SYMPK: variants seen among roughly 807,000 people sequenced by gnomAD.
SYMPK encodes symplekin scaffold protein.
A neutral mutation model predicts 136.4 loss-of-function variants in SYMPK; 49 were observed. That is an observed-to-expected ratio of 0.36 (90% CI 0.29 to 0.46). SYMPK has a LOEUF of 0.46. Ranked by LOEUF, SYMPK falls within the 20% of genes least tolerant of loss-of-function variation. SYMPK has a pLI of 1.00. For synonymous variants in SYMPK, 766 were observed against 713.0 expected (o/e 1.07, Z -1.19); for missense variants, 1,365 against 1,690.0 (o/e 0.81, Z 3.37).
rs574555948 is a variant in SYMPK, at chr19:45,847,725, G to A, written c.676+27C>T. 27 of 1,596,058 alleles carry A rather than the reference G, an allele frequency of 1.7e-5. No individual in the cohort carries two copies. The South Asian group carries it at 2.8e-4, about 16-fold the overall frequency. On this transcript the variant is annotated intron_variant, in intron 7 of 26. Transcript: ENST00000245934. The stretch of plus-strand genomic sequence containing the variant: ...AGAGGAAACTGGTGCAGGGCTGTCA[G>A]GGGTGGCAGCTGAAGGCAGTACTCA...
chr19:45,835,347 C>G (rs752497559), intron 10 of SYMPK, 119 bp from the exon 11 acceptor site: 1 of 956,548 alleles, frequency 1.0e-6, no homozygotes, highest in Non-Finnish European at 1.5e-6. Context: ...GCCTGCTCTC[C>G]TGGGGCCCAG....
chr19:45,816,938 T>G lies in SYMPK; in HGVS notation c.3118A>C (p.Lys1040Gln). 6.4e-7 allele frequency: 1 copy of G among 1,561,372 alleles called. No individual in the cohort carries two copies. Among genetic ancestry groups the G allele is most frequent in the Non-Finnish European group, 8.7e-7 (1 of 1,152,726 alleles). The change falls in exon 24 of 27, where the codon AAG becomes CAG. Residue 1040 changes from lysine to glutamine, a missense_variant. Physicochemically the swap from Lys to Gln is moderately conservative, Grantham distance 53. Transcript: ENST00000245934. ...TGGGGCTTTGTGCGCTGGCAGCACT[T>G]GATGAAGCCCTCCCACACCTTGGGG... The part of the protein sequence containing the change: ...KYPKVWEGFI[K>Q]CCQRTKPQSF...
intron 2 of SYMPK, 55 bp downstream of exon 2, chr19:45,854,336 T>C: frequency 1.2e-6 from 2 of 1,607,866 alleles, no homozygotes; most frequent in Admixed American, 3.3e-5. Flanking sequence ...TAAACAGGGA[T>C]TGCCAAAGCC....
Position 45,816,194 on chromosome 19 carries a change from G to T in SYMPK, c.3355-11C>A. ...GGGCTCCAGATCATCCTGGGGATAGGGAGGGCCACACAGAAGCTCAGAGGT... is the reference window on the plus strand; with the variant it reads ...GGGCTCCAGATCATCCTGGGGATAGTGAGGGCCACACAGAAGCTCAGAGGT... On this transcript the variant is annotated splice_polypyrimidine_tract_variant and intron_variant, in intron 25 of 26. Transcript: ENST00000245934. 6.6e-7 allele frequency: 1 copy of T among 1,505,202 alleles called. No homozygotes were observed. The allele number at this position is 1,505,202 out of a possible 1,614,324, so 93.2% of individuals were successfully genotyped here.
chr19:45,863,118 C>G lies in SYMPK; in HGVS notation c.-73G>C. The stretch of plus-strand genomic sequence containing the variant: ...AGCAGTGCCTCTTCCTACACTCCGC[C>G]GCCGCCGCCGCCGCCATCTTCCGTT... On this transcript the variant is annotated 5_prime_UTR_variant, in exon 1 of 27. Coordinates refer to ENST00000245934, the MANE Select transcript of SYMPK (RefSeq NM_004819.3). 2 of 399,324 alleles carry G rather than the reference C, an allele frequency of 5.0e-6. 1 individual carries two copies. The highest frequency in any genetic ancestry group is 2.4e-4 in the South Asian group (2 of 8,208). The allele number at this position is 399,324 out of a possible 1,614,324, so 24.7% of individuals were successfully genotyped here.
intron 9 of SYMPK, among the ~76,000 whole-genome samples, chr19:45,842,038 T>C (rs994555543): frequency 6.6e-6 from 1 of 152,234 alleles, no homozygotes. Context: ...GGTTTTGCCA[T>C]GTTGCCTAGG....
intron 22 of SYMPK, chr19:45,820,344 C>T (rs535800733): frequency 2.6e-5 from 4 of 152,268 alleles, no homozygotes; most frequent in African/African-American, 7.2e-5. Flanking sequence ...TGGTCTCCCA[C>T]GAGAGGCCTT....
At chr19:45,851,795 AC>A (rs2146341041) in intron 5 of SYMPK, among the ~76,000 whole-genome samples, 1 of 149,894 alleles carries the variant, frequency 6.7e-6, no homozygotes, top group Non-Finnish European at 1.5e-5. Flanking sequence ...AATAGCTTGA[AC>A]CCGGAAGTCG....
At chr19:45,858,073 A>G (rs921900943) in intron 1 of SYMPK, among the ~76,000 whole-genome samples, 4 of 152,166 alleles carry the variant, frequency 2.6e-5, no homozygotes, top group African/African-American at 9.7e-5. Flanking sequence ...TGCTGGGATT[A>G]CAGGTGTGAG....
Position 45,817,954 on chromosome 19 carries a change from G to C in SYMPK, c.3081+5C>G. The C allele has an allele frequency of 1.3e-6, 2 of 1,568,260 alleles. No homozygotes were observed. The highest frequency in any genetic ancestry group is 1.7e-6 in the Non-Finnish European group (2 of 1,155,962). On this transcript the variant is annotated splice_donor_5th_base_variant and intron_variant, in intron 23 of 26. Transcript: ENST00000245934. ...CTGGAGGCGGGGTGGCCGGGGATGG[G>C]TTACCTGCTTCATGATGAGGCGGGA...
intron 12 of SYMPK, 186 bp from the exon 13 acceptor site, chr19:45,830,390 T>G: frequency 1.5e-6 from 1 of 674,656 alleles, no homozygotes; most frequent in Non-Finnish European, 2.4e-6. Context: ...AAGAGGATGT[T>G]ATTTTGGTTT....
chr19:45,850,457 C>G (rs1971673189), intron 5 of SYMPK, among the ~76,000 whole-genome samples: 1 of 152,198 alleles, frequency 6.6e-6, no homozygotes, highest in African/African-American at 2.4e-5. Flanking sequence ...TACTTCCTCC[C>G]AGTCACAAAG....
At chr19:45,828,789 T>A (rs764848962) in intron 14 of SYMPK, 181 bp downstream of exon 14, 1 of 621,830 alleles carries the variant, frequency 1.6e-6, no homozygotes, top group Non-Finnish European at 2.8e-6. Flanking sequence ...GGAGCCCACA[T>A]GCAAAACTAC....
chr19:45,831,628 C>T (rs370514444), intron 11 of SYMPK, 40 bp from the exon 12 acceptor site: 1 of 1,508,746 alleles, frequency 6.6e-7, no homozygotes, highest in Non-Finnish European at 8.9e-7. Context: ...GTGCGTCAGA[C>T]CCACCTGCTC....
Position 45,816,803 on chromosome 19 carries a change from G to T in SYMPK, c.3253C>A (p.His1085Asn), listed in dbSNP as rs1002087292. 14 of 1,530,008 alleles carry T rather than the reference G, an allele frequency of 9.2e-6. No homozygotes were observed. Among genetic ancestry groups the T allele is most frequent in the East Asian group, 2.5e-5 (1 of 40,680 alleles). 94.8% of individuals were successfully genotyped at this position (1,530,008 alleles called of 1,614,324 possible). Residue 1085 changes from histidine (H) to asparagine (N), a missense_variant, in exon 24 of 27, where the codon CAC becomes AAC. By Grantham distance (68) the His-to-Asn change is moderately conservative (BLOSUM62 1). Coordinates refer to ENST00000245934, the MANE Select transcript of SYMPK (RefSeq NM_004819.3). ...LLAHVRSFTP[H>N]QQAHIPNSIM... ...CTGGTGGGGGGAAGGGGTACCTGGT[G>T]GGGGGTGAAGGAGCGGACATGGGCC...
rs764047353 is a variant in SYMPK at position 45,847,802 on chromosome 19, T to C, written c.626A>G (p.His209Arg). Residue 209 changes from histidine (H) to arginine (R), a missense_variant, in exon 7 of 27, where the codon CAT becomes CGT. Physicochemically the swap from His to Arg is conservative, Grantham distance 29 (BLOSUM62 0). Coordinates refer to ENST00000245934, the MANE Select transcript of SYMPK (RefSeq NM_004819.3). ...ADSEIPRRQE[H>R]DISLDRIPRD... ...AGGGATGCGGTCCAGGCTGATATCA[T>C]GCTCCTGGCGTCGGGGTATCTCTGA... 1.1e-5 allele frequency: 18 copies of C among 1,613,962 alleles called. No individual in the cohort carries two copies. The Admixed American group carries it at 2.7e-4, about 24-fold the overall frequency.
Position 45,863,011 on chromosome 19 carries a change from G to A in SYMPK, c.-13+47C>T, listed in dbSNP as rs1405994047. On this transcript the variant is annotated intron_variant, in intron 1 of 26. Coordinates refer to ENST00000245934, the MANE Select transcript of SYMPK (RefSeq NM_004819.3). The stretch of plus-strand genomic sequence containing the variant: ...CCCGCCCGAGCCCCTGCTTCTTTAG[G>A]AGCCTCCTCCTTTCGTCTCCGGGCC... 9.7e-5 allele frequency: 39 copies of A among 400,998 alleles called. No individual in the cohort carries two copies. The East Asian group carries it at 1.4e-3, about 14-fold the overall frequency. 24.8% of individuals were successfully genotyped at this position (400,998 alleles called of 1,614,324 possible).
intron 1 of SYMPK, chr19:45,855,681 T>C (rs567198789): frequency 4.0e-5 from 6 of 150,540 alleles, no homozygotes; most frequent in Admixed American, 3.4e-4. Context: ...GTTGACTGTA[T>C]GTTTCTGTTT....
chr19:45,843,040 G>C (rs1971480169), intron 8 of SYMPK: 1 of 153,912 alleles, frequency 6.5e-6, no homozygotes, highest in African/African-American at 2.4e-5. Context: ...GTGGGCATGA[G>C]ACCTGGGGCC....
Sources: allele counts gnomAD v4.1 joint callset (sites outside exome capture counted in the v4.1 genomes callset), GRCh38; gene constraint gnomAD v4.1.1; transcripts MANE v1.5; gene names NCBI Gene and HGNC (gene_info 2026-07-23, HGNC 2026-07-21).